Variants in FSTL4 observed in about 807,000 individuals in gnomAD.
FSTL4 encodes follistatin like 4.
Under a neutral mutation model 78.2 loss-of-function variants are expected in FSTL4, and 28 were observed. That is an observed-to-expected ratio of 0.36 (90% confidence interval 0.27 to 0.49). The LOEUF (loss-of-function observed/expected upper bound fraction) is 0.49. FSTL4 is among the 20% of genes least tolerant of loss of function. The probability of loss-of-function intolerance (pLI) is 0.98; values close to 1 mark genes in which losing one functional copy is unlikely to be tolerated. For missense variants in FSTL4, 922 were observed against 1,084.9 expected (o/e 0.85, Z 2.11); for synonymous variants, 422 against 440.5 (o/e 0.96, Z 0.53).
At chr5:133,674,218 A>G in the FSTL4 span, among the ~76,000 whole-genome samples, 1 of 152,168 alleles carries the variant, frequency 6.6e-6, no homozygotes, top group Non-Finnish European at 1.5e-5. Flanking sequence ...AATCATTCCC[A>G]ATGATCTGGG....
intron 4 of FSTL4, among the ~76,000 whole-genome samples, chr5:133,332,379 G>A (rs997650961): frequency 6.6e-6 from 1 of 152,202 alleles, no homozygotes; most frequent in African/African-American, 2.4e-5. Flanking sequence ...TGTCTGTCAT[G>A]GTAATGGATT....
the FSTL4 span, among the ~76,000 whole-genome samples, chr5:133,739,039 C>T: frequency 6.6e-6 from 1 of 152,124 alleles, no homozygotes; most frequent in African/African-American, 2.4e-5. Flanking sequence ...GCCACCCCCT[C>T]ATGGAAGCAG....
At chr5:133,706,850 G>A in the FSTL4 span, among the ~76,000 whole-genome samples, 9 of 152,050 alleles carry the variant, frequency 5.9e-5, no homozygotes, top group Non-Finnish European at 8.8e-5. Flanking sequence ...GAGGAGGAGC[G>A]GTAAGGCAGT....
chr5:133,415,946 T>C (rs1218379952), intron 3 of FSTL4, among the ~76,000 whole-genome samples: 1 of 152,224 alleles, frequency 6.6e-6, no homozygotes, highest in African/African-American at 2.4e-5. Flanking sequence ...TGTATGTGTC[T>C]ATGTATACAT....
intron 3 of FSTL4, among the ~76,000 whole-genome samples, chr5:133,556,349 T>C (rs548116907): frequency 6.6e-6 from 1 of 152,306 alleles, no homozygotes; most frequent in South Asian, 2.1e-4. Context: ...CCATTTCCAA[T>C]CTACAGAATT....
chr5:133,269,356 A>G (rs1752716934), intron 6 of FSTL4, among the ~76,000 whole-genome samples: 1 of 152,198 alleles, frequency 6.6e-6, no homozygotes, highest in South Asian at 2.1e-4. Flanking sequence ...TGTGGGTCCA[A>G]GCAAATTGCC....
In FSTL4 at chr5:133,254,252, C is replaced by T. The variant is rs145037753; in HGVS notation, c.728-4676G>A. ...CATTCTCTACTTGGTTGCAAGATGT[C>T]CATTGGTGGCCCCACACTCACATTG... On this transcript the variant is annotated intron_variant, in intron 6 of 15. Coordinates refer to ENST00000265342, the MANE Select transcript of FSTL4 (RefSeq NM_015082.2). 7.3e-4 allele frequency among the ~76,000 whole-genome samples: 111 copies of T among 152,334 alleles called. No homozygotes were observed. In the East Asian group the frequency reaches 0.018, roughly 25 times the overall value.
intron 4 of FSTL4, among the ~76,000 whole-genome samples, chr5:133,367,404 A>G (rs1755202326): frequency 6.6e-6 from 1 of 152,236 alleles, no homozygotes; most frequent in African/African-American, 2.4e-5. Flanking sequence ...GCCCCAAGGT[A>G]AACAAGAAAA....
intron 3 of FSTL4, among the ~76,000 whole-genome samples, chr5:133,459,076 T>C (rs1757545886): frequency 6.6e-6 from 1 of 152,132 alleles, no homozygotes; most frequent in African/African-American, 2.4e-5. Flanking sequence ...CACCTGCCTC[T>C]GGAAGCAGGA....
chr5:133,604,067 G>A, intron 1 of FSTL4, 74 bp from the exon 2 acceptor site: 1 of 1,075,810 alleles, frequency 9.3e-7, no homozygotes, highest in Non-Finnish European at 1.4e-6. Context: ...GAGTTAGTAT[G>A]TGTTCCCCAG....
intron 8 of FSTL4, among the ~76,000 whole-genome samples, chr5:133,229,805 C>A (rs1751436081): frequency 1.3e-5 from 2 of 152,236 alleles, no homozygotes; most frequent in African/African-American, 4.8e-5. Flanking sequence ...TTACTAAATG[C>A]CAGCCAAGTG....
At chr5:133,758,926 T>C in the FSTL4 span, among the ~76,000 whole-genome samples, 1 of 152,344 alleles carries the variant, frequency 6.6e-6, no homozygotes, top group East Asian at 1.9e-4. Context: ...TCTCACAACA[T>C]GGTGCATACT....
chr5:133,249,552 G>T lies in FSTL4; in HGVS notation c.752C>A (p.Pro251His), dbSNP rs755929261. 135 of 1,612,914 alleles carry T rather than the reference G, an allele frequency of 8.4e-5. No homozygotes were observed. In the East Asian group the frequency reaches 3.0e-3, roughly 36 times the overall value. Residue 251 changes from proline to histidine, a missense_variant, in exon 7 of 16, where the codon CCC becomes CAC. Physicochemically the swap from Pro to His is moderately conservative, Grantham distance 77. Transcript: ENST00000265342. ...AFQVVQLSLA[P>H]EDRVSVTTVT... ...TGTGGTCACACTGACCCTGTCCTCG[G>T]GGGCGAGGCTGAGCTGAACCACTTC... is the stretch of plus-strand genomic sequence containing the variant.
the FSTL4 span, among the ~76,000 whole-genome samples, chr5:133,782,960 G>A: frequency 2.0e-5 from 3 of 152,290 alleles, no homozygotes; most frequent in South Asian, 2.1e-4. Flanking sequence ...TGCAGGTGGC[G>A]GCCTAGGGGA....
At chr5:133,427,569 CG>C (rs757050136) in intron 3 of FSTL4, 32 of 500,742 alleles carry the variant, frequency 6.4e-5, no homozygotes, top group Middle Eastern at 5.3e-4. Flanking sequence ...AATTAGTGCA[CG>C]CAATGGCGGG....
intron 6 of FSTL4, among the ~76,000 whole-genome samples, chr5:133,302,226 T>C (rs1288306311): frequency 6.6e-6 from 1 of 152,084 alleles, no homozygotes; most frequent in Admixed American, 6.5e-5. Context: ...GGCCGTTACA[T>C]GTGCCCCCTT....
rs549862208 is a variant in FSTL4, at chr5:133,344,850, C to T, written c.410-28198G>A. Among the ~76,000 whole-genome samples the T allele has an allele frequency of 1.4e-4, 22 of 152,208 alleles. No homozygotes were observed. In the East Asian group the frequency reaches 3.3e-3, roughly 23 times the overall value. The stretch of plus-strand genomic sequence containing the variant: ...TACACAGTTGTCCCACAAGTCCTGC[C>T]GGGGTTTTGTTTCACTGGATACCTG... On this transcript the variant is annotated intron_variant, in intron 4 of 15. Coordinates refer to ENST00000265342, the MANE Select transcript of FSTL4 (RefSeq NM_015082.2).
chr5:133,600,995 A>G (rs1760854216), intron 2 of FSTL4, among the ~76,000 whole-genome samples: 1 of 152,258 alleles, frequency 6.6e-6, no homozygotes, highest in Non-Finnish European at 1.5e-5. Context: ...TTATCGATAC[A>G]TTAATAGCTA....
the FSTL4 span, among the ~76,000 whole-genome samples, chr5:133,807,948 A>C: frequency 2.3e-4 from 35 of 152,002 alleles, no homozygotes; most frequent in Non-Finnish European, 4.6e-4. Flanking sequence ...CTTCCCAGGC[A>C]CTCGGACACT....
Sources: gnomAD v4.1 joint callset for allele counts (sites outside exome capture counted in the v4.1 genomes callset) on GRCh38, gnomAD v4.1.1 for gene constraint, MANE v1.5 for transcripts, NCBI Gene and HGNC (gene_info 2026-07-23, HGNC 2026-07-21) for gene names.